The following INTS7 variants were observed in gnomAD, a reference collection of about 807,000 sequenced individuals.
INTS7 encodes chromosome 1 open reading frame 73.
INTS7 carries 46 observed loss-of-function variants against 109.2 expected under a neutral mutation model. That is an observed-to-expected ratio of 0.42 (90% confidence interval 0.33 to 0.54). The LOEUF (loss-of-function observed/expected upper bound fraction) is 0.54. Ranked by LOEUF, INTS7 falls within the 20% of genes least tolerant of loss-of-function variation. The pLI is 0.07. For missense variants in INTS7, 929 were observed against 1,132.4 expected, an observed-to-expected ratio of 0.82 and a Z score of 2.58; for synonymous variants, 412 against 402.9, an observed-to-expected ratio of 1.02 and a Z score of -0.27.
In INTS7 at chr1:211,978,487, A is replaced by G; in HGVS notation, c.1255T>C (p.Leu419=). The part of the protein sequence containing the change: ...LKIALNCMVK[L]AKGRPHLSQS... ...CTAAGATGGGGCCTGCCCTTGGCCA[A>G]CTTCACCATACAGTTTAGAGCAATC... The change falls in exon 11 of 20, where the codon TTG becomes CTG. Residue 419 remains leucine, a synonymous_variant. Transcript: ENST00000366994. 6.2e-7 allele frequency: 1 copy of G among 1,614,210 alleles called. No homozygotes were observed. The highest frequency in any genetic ancestry group is 8.5e-7 in the Non-Finnish European group (1 of 1,180,032).
intron 1 of INTS7, among the ~76,000 whole-genome samples, chr1:212,030,300 T>A (rs563725545): frequency 1.3e-5 from 2 of 152,118 alleles, no homozygotes; most frequent in South Asian, 4.2e-4. Context: ...TTTGTTTTTT[T>A]TTTTTGAGAT....
intron 16 of INTS7, among the ~76,000 whole-genome samples, chr1:211,957,962 C>A (rs1663444802): frequency 6.6e-6 from 1 of 151,648 alleles, no homozygotes; most frequent in African/African-American, 2.4e-5. Context: ...ATGTAAGATT[C>A]TTACTACTAT....
chr1:212,015,195 C>G lies in INTS7; in HGVS notation c.509+1691G>C, dbSNP rs554742273. On this transcript the variant is annotated intron_variant, in intron 4 of 19. Coordinates refer to ENST00000366994, the MANE Select transcript of INTS7 (RefSeq NM_015434.4). ...GAGCCCCTCTGCCCAGCCGCCACCC[C>G]GTCTGGGAGGTGTACCCAACAGCTC... 6.2e-4 allele frequency among the ~76,000 whole-genome samples: 95 copies of G among 152,256 alleles called. 1 individual carries two copies. Among genetic ancestry groups the G allele is most frequent in the South Asian group, 6.0e-3 (29 of 4,826 alleles).
At chr1:211,969,562 T>C (rs1353170145) in intron 13 of INTS7, among the ~76,000 whole-genome samples, 1 of 144,030 alleles carries the variant, frequency 6.9e-6, no homozygotes, top group Non-Finnish European at 1.5e-5. Flanking sequence ...TTTTTTTTTT[T>C]TTTTTTTTTT....
At chr1:211,989,294 A>G (rs1422646815) in intron 7 of INTS7, among the ~76,000 whole-genome samples, 3 of 152,108 alleles carry the variant, frequency 2.0e-5, no homozygotes, top group Non-Finnish European at 4.4e-5. Flanking sequence ...AATATATGAT[A>G]ATGGCATTTT....
intron 16 of INTS7, among the ~76,000 whole-genome samples, chr1:211,954,253 T>C (rs1160419257): frequency 2.0e-5 from 3 of 152,356 alleles, no homozygotes; most frequent in African/African-American, 4.8e-5. Flanking sequence ...GGTTGTTTTT[T>C]TCTTGTAAAT....
chr1:212,008,557 G>A (rs375934791), intron 5 of INTS7, among the ~76,000 whole-genome samples: 12 of 151,968 alleles, frequency 7.9e-5, no homozygotes, highest in East Asian at 7.8e-4. Context: ...TTCCATTATC[G>A]GCTAAATGTG....
chr1:212,005,176 T>C (rs547966378), intron 7 of INTS7, among the ~76,000 whole-genome samples: 4 of 151,850 alleles, frequency 2.6e-5, no homozygotes, highest in African/African-American at 9.7e-5. Flanking sequence ...GGATAGTACA[T>C]TACAATTAAA....
intron 1 of INTS7, among the ~76,000 whole-genome samples, chr1:212,027,211 A>G (rs555696741): frequency 6.6e-6 from 1 of 152,348 alleles, no homozygotes; most frequent in African/African-American, 2.4e-5. Flanking sequence ...CCTATTACTT[A>G]GCAACAGCCC....
intron 7 of INTS7, among the ~76,000 whole-genome samples, chr1:211,989,613 G>A (rs767963722): frequency 2.0e-5 from 3 of 152,064 alleles, no homozygotes; most frequent in Admixed American, 2.0e-4. Context: ...CCTGAGGTCA[G>A]GAGTTCGAGA....
At chr1:212,017,454 C>A (rs1262939431) in intron 3 of INTS7, among the ~76,000 whole-genome samples, 2 of 152,144 alleles carry the variant, frequency 1.3e-5, no homozygotes, top group Non-Finnish European at 2.9e-5. Context: ...TTTCCCACAT[C>A]AGTAAATATT....
At chr1:211,949,249 C>G (rs1236416553) in intron 17 of INTS7, among the ~76,000 whole-genome samples, 1 of 152,200 alleles carries the variant, frequency 6.6e-6, no homozygotes, top group East Asian at 1.9e-4. Context: ...CAATTCTCCC[C>G]ACTCCCGTGA....
intron 4 of INTS7, 101 bp from the exon 5 acceptor site, chr1:212,011,522 T>C (rs1666166292): frequency 4.1e-6 from 3 of 731,662 alleles, no homozygotes; most frequent in Non-Finnish European, 7.0e-6. Context: ...AGAAATACAA[T>C]ATTCCAAACT....
intron 7 of INTS7, among the ~76,000 whole-genome samples, chr1:211,998,401 A>G (rs555443021): frequency 4.6e-5 from 7 of 152,398 alleles, no homozygotes; most frequent in African/African-American, 1.7e-4. Context: ...GAATTTGGAA[A>G]TAAATCCATA....
At chr1:212,013,373 T>C (rs923734988) in intron 4 of INTS7, among the ~76,000 whole-genome samples, 1 of 152,208 alleles carries the variant, frequency 6.6e-6, no homozygotes, top group Non-Finnish European at 1.5e-5. Context: ...AAAGAAAGTA[T>C]GTTTATACAG....
intron 3 of INTS7, 110 bp downstream of exon 3, chr1:212,020,012 A>G (rs1265408823): frequency 3.9e-6 from 3 of 762,168 alleles, no homozygotes; most frequent in Admixed American, 4.0e-5. Context: ...AGTCAAAAAA[A>G]CATAAACAAC....
chr1:211,947,177 G>A (rs1211716011), intron 17 of INTS7, among the ~76,000 whole-genome samples: 1 of 152,178 alleles, frequency 6.6e-6, no homozygotes, highest in Non-Finnish European at 1.5e-5. Context: ...AGAGTAAGCA[G>A]TGGTGGAAAC....
intron 7 of INTS7, among the ~76,000 whole-genome samples, chr1:211,998,768 C>T (rs892677630): frequency 4.6e-5 from 7 of 151,714 alleles, no homozygotes; most frequent in Admixed American, 2.6e-4. Context: ...GTAAAACATA[C>T]ATCTGATAAA....
In INTS7 at chr1:211,970,050, G is replaced by T. The variant is rs565191765; in HGVS notation, c.1816-1343C>A. 7.3e-4 allele frequency among the ~76,000 whole-genome samples: 111 copies of T among 152,166 alleles called. 1 individual carries two copies. The highest frequency in any genetic ancestry group is 2.6e-3 in the African/African-American group (109 of 41,540). ...GCTAATTTTTTTTTGTAGAGACAGG[G>T]TCTCACTATGTTGCTCAGGCTGGCC... On this transcript the variant is annotated intron_variant, in intron 13 of 19. Coordinates refer to ENST00000366994, the MANE Select transcript of INTS7 (RefSeq NM_015434.4).
Sources: gnomAD v4.1 joint callset for allele counts (sites outside exome capture counted in the v4.1 genomes callset) on GRCh38, gnomAD v4.1.1 for gene constraint, MANE v1.5 for transcripts, NCBI Gene and HGNC (gene_info 2026-07-23, HGNC 2026-07-21) for gene names.